The following ELP1 variants were observed in gnomAD, a reference collection of about 807,000 sequenced individuals.
The protein encoded by ELP1 is elongator acetyltransferase complex subunit 1, also known as elongator complex protein 1.
A neutral mutation model predicts 183.2 loss-of-function variants in ELP1; 131 were observed. The ratio of observed to expected loss-of-function variants is 0.72; its 90% CI spans 0.62 to 0.83. The LOEUF (loss-of-function observed/expected upper bound fraction) is 0.83. Among genes scored for constraint, ELP1 ranks in the 40% least tolerant of loss-of-function variants. ELP1 has a pLI of 0.00. For missense variants in ELP1, 1,550 were observed against 1,594.9 expected (o/e 0.97, Z 0.48); for synonymous variants, 555 against 569.0 (o/e 0.98, Z 0.35).
At chr9:108,919,087 G>C (rs1274330925) in intron 7 of ELP1, among the ~76,000 whole-genome samples, 166 bp downstream of exon 7, 1 of 152,076 alleles carries the variant, frequency 6.6e-6, no homozygotes, top group Non-Finnish European at 1.5e-5. Flanking sequence ...GGCCTCAAAG[G>C]ACTCTTCTAA....
intron 5 of ELP1, among the ~76,000 whole-genome samples, chr9:108,923,969 A>G (rs557766591): frequency 3.3e-5 from 5 of 152,344 alleles, no homozygotes; most frequent in African/African-American, 1.2e-4. Flanking sequence ...TTATGGGTCC[A>G]TATGACCATT....
At chr9:108,875,305 G>A (rs555104229) in intron 35 of ELP1, among the ~76,000 whole-genome samples, 7 of 152,320 alleles carry the variant, frequency 4.6e-5, no homozygotes, top group South Asian at 4.1e-4. Context: ...CTACAAATAC[G>A]TAGAGTATCA....
chr9:108,926,755 T>C, intron 4 of ELP1, 152 bp from the exon 5 acceptor site: 1 of 670,988 alleles, frequency 1.5e-6, no homozygotes, highest in Non-Finnish European at 2.6e-6. Context: ...AAAACAACAA[T>C]GACAAAAAAC....
rs147870527 is a variant in ELP1, at chr9:108,891,381, C to T, written c.2982G>A (p.Glu994=). The T allele has an allele frequency of 2.2e-5, 35 of 1,613,806 alleles. No individual in the cohort carries two copies. Among genetic ancestry groups the T allele is most frequent in the African/African-American group, 1.5e-4 (11 of 75,026 alleles). Residue 994 remains glutamate (E), a synonymous_variant, in exon 28 of 37, where the codon GAG becomes GAA. Transcript: ENST00000374647. ...CATACATGTGCTCCTGCATCAGGTGCTCCCCATAAGCAATGCTGATATCCT... is the reference window on the plus strand; with the variant it reads ...CATACATGTGCTCCTGCATCAGGTGTTCCCCATAAGCAATGCTGATATCCT... ...QYQDISIAYG[E]HLMQEHMYEP... is the part of the protein sequence containing the mutation.
chr9:108,881,791 A>G (rs1265243470), intron 30 of ELP1, 26 bp from the exon 31 acceptor site: 1 of 1,349,324 alleles, frequency 7.4e-7, no homozygotes, highest in Middle Eastern at 1.8e-4. Flanking sequence ...CAATAATTTT[A>G]GGAAGGAAAA....
chr9:108,899,137 A>C (rs1188737236), intron 20 of ELP1, among the ~76,000 whole-genome samples: 1 of 141,658 alleles, frequency 7.1e-6, no homozygotes, highest in East Asian at 2.2e-4. Context: ...TCTCTACTGA[A>C]AATACAAAAA....
chr9:108,897,355 A>G (rs56207458), intron 22 of ELP1, 70 bp from the exon 23 acceptor site: 42 of 1,485,886 alleles, frequency 2.8e-5, no homozygotes, highest in South Asian at 1.6e-4. Flanking sequence ...ACTAACATAC[A>G]CCTGGCATGC....
intron 29 of ELP1, among the ~76,000 whole-genome samples, chr9:108,888,581 A>G (rs1030519167): frequency 6.6e-6 from 1 of 152,140 alleles, no homozygotes; most frequent in Non-Finnish European, 1.5e-5. Flanking sequence ...TGTTTCATTC[A>G]CTGGTATTTT....
intron 9 of ELP1, among the ~76,000 whole-genome samples, chr9:108,916,824 A>T (rs1829452415): frequency 6.6e-6 from 1 of 152,224 alleles, no homozygotes; most frequent in South Asian, 2.1e-4. Context: ...ATGGGAGTTC[A>T]TTAAACTCGT....
chr9:108,881,865 A>G (rs1827943546), intron 30 of ELP1, 100 bp from the exon 31 acceptor site: 2 of 814,874 alleles, frequency 2.5e-6, no homozygotes, highest in Admixed American at 4.1e-5. Flanking sequence ...GGTAATCAGA[A>G]TATTTTCCTG....
intron 5 of ELP1, 90 bp downstream of exon 5, chr9:108,926,433 G>C: frequency 1.0e-6 from 1 of 952,868 alleles, no homozygotes. Context: ...ACAGTTCTTT[G>C]GCCTAATGAC....
intron 18 of ELP1, 148 bp from the exon 19 acceptor site, chr9:108,900,523 A>G: frequency 1.4e-6 from 1 of 717,110 alleles, no homozygotes; most frequent in Non-Finnish European, 2.5e-6. Flanking sequence ...CAAGACTATC[A>G]GCCCTGCTGA....
chr9:108,903,872 C>T lies in ELP1; in HGVS notation c.1644-203G>A, dbSNP rs74699859. 1.0e-2 allele frequency among the ~76,000 whole-genome samples: 1,516 copies of T among 151,950 alleles called. 16 individuals carry two copies. Among genetic ancestry groups the T allele is most frequent in the Non-Finnish European group, 0.014 (932 of 67,934 alleles). ...ACACACTTATACACTTAGAGACAGACGGTTAGATGAATAGATAAAACTACT... is the reference window on the plus strand; with the variant it reads ...ACACACTTATACACTTAGAGACAGATGGTTAGATGAATAGATAAAACTACT... On this transcript the variant is annotated intron_variant, in intron 14 of 36. Coordinates refer to ENST00000374647, the MANE Select transcript of ELP1 (RefSeq NM_003640.5).
chr9:108,917,722 A>G, intron 8 of ELP1, 52 bp from the exon 9 acceptor site: 1 of 1,597,814 alleles, frequency 6.3e-7, no homozygotes, highest in Non-Finnish European at 8.6e-7. Context: ...TAACTAAAGA[A>G]TAGATAAAAT....
chr9:108,889,767 T>A, intron 28 of ELP1: 1 of 316,018 alleles, frequency 3.2e-6, no homozygotes, highest in Non-Finnish European at 6.1e-6. Context: ...GATCCTAGAA[T>A]CACTCTCAGC....
chr9:108,875,028 A>T lies in ELP1; in HGVS notation c.3856-58T>A, dbSNP rs186389254. Reference sequence around the variant, plus strand: ...TATCTAATACTTCTCAAGACTGCCAATACCAAAGGCCAAATCCCTACCCCC... The same window carrying T: ...TATCTAATACTTCTCAAGACTGCCATTACCAAAGGCCAAATCCCTACCCCC... On this transcript the variant is annotated intron_variant, in intron 35 of 36. Coordinates refer to ENST00000374647, the MANE Select transcript of ELP1 (RefSeq NM_003640.5). 875 of 1,167,112 alleles carry T rather than the reference A, an allele frequency of 7.5e-4. 4 individuals carry two copies. The highest frequency in any genetic ancestry group is 8.6e-4 in the Non-Finnish European group (663 of 775,030). The allele number at this position is 1,167,112 out of a possible 1,614,324, so 72.3% of individuals were successfully genotyped here. A position where few individuals can be genotyped will look rare whatever the true frequency, so the allele number is the denominator to read the frequency against.
intron 28 of ELP1, among the ~76,000 whole-genome samples, chr9:108,890,837 C>A (rs79411248): frequency 1.3e-3 from 193 of 152,344 alleles, no homozygotes; most frequent in African/African-American, 4.3e-3. Flanking sequence ...CCATCCAGGT[C>A]ATTTCCAACT....
rs747419554 is a variant in ELP1, at chr9:108,874,906, A to C, written c.3920T>G (p.Val1307Gly). Residue 1307 changes from valine (V) to glycine (G), a missense_variant, in exon 36 of 37, where the codon GTT becomes GGT. By Grantham distance (109) the Val-to-Gly change is moderately radical (BLOSUM62 -3). Coordinates refer to ENST00000374647, the MANE Select transcript of ELP1 (RefSeq NM_003640.5). ...GAAAAAATACTAACCAAGAACAGGA[A>C]CCGAAGTCTTCTGTTGCTGATAAGA... is the stretch of plus-strand genomic sequence containing the variant. ...MASYQQQKTS[V>G]PVLDAELFIP... 6.2e-7 allele frequency: 1 copy of C among 1,608,728 alleles called. No individual in the cohort carries two copies. Among genetic ancestry groups the C allele is most frequent in the Non-Finnish European group, 8.5e-7 (1 of 1,175,240 alleles).
At chr9:108,903,498 C>G in intron 15 of ELP1, 65 bp downstream of exon 15, 1 of 1,069,788 alleles carries the variant, frequency 9.3e-7, no homozygotes, top group Non-Finnish European at 1.5e-6. Flanking sequence ...GATACAAGTA[C>G]ATGTTCTTAA....
Sources: gnomAD v4.1 joint callset for allele counts (sites outside exome capture counted in the v4.1 genomes callset) on GRCh38, gnomAD v4.1.1 for gene constraint, MANE v1.5 for transcripts, NCBI Gene and HGNC (gene_info 2026-07-23, HGNC 2026-07-21) for gene names.